Variants in TJP1 observed in about 807,000 individuals in gnomAD.
TJP1 encodes tight junction protein ZO-1.
TJP1 carries 43 observed loss-of-function variants against 194.2 expected under a neutral mutation model. The ratio of observed to expected loss-of-function variants is 0.22; its 90% CI spans 0.17 to 0.29. The LOEUF (loss-of-function observed/expected upper bound fraction) is 0.29, where lower values mean the gene tolerates loss of function less well. TJP1 is among the 10% of genes least tolerant of loss of function. The pLI is 1.00. For missense variants in TJP1, 1,971 were observed against 2,185.7 expected (o/e 0.90, Z 1.96); for synonymous variants, 801 against 779.0 (o/e 1.03, Z -0.47).
At chr15:29,754,969 G>A (rs773145345) in intron 8 of TJP1, among the ~76,000 whole-genome samples, 1 of 152,134 alleles carries the variant, frequency 6.6e-6, no homozygotes, top group Non-Finnish European at 1.5e-5. Context: ...GAAGGTAGAG[G>A]AAAAGGTGTG....
chr15:29,810,416 T>C (rs1452031369), intron 1 of TJP1, among the ~76,000 whole-genome samples: 1 of 152,186 alleles, frequency 6.6e-6, no homozygotes, highest in Non-Finnish European at 1.5e-5. Context: ...GCAGCTACCA[T>C]GATGCCAGGA....
At chr15:29,730,334 C>T (rs1313633979) in intron 15 of TJP1, among the ~76,000 whole-genome samples, 1 of 152,082 alleles carries the variant, frequency 6.6e-6, no homozygotes, top group African/African-American at 2.4e-5. Context: ...GTAATCCCAG[C>T]ACTTTGGGAG....
intron 15 of TJP1, 101 bp downstream of exon 15, chr15:29,732,332 C>G: frequency 9.5e-7 from 1 of 1,056,846 alleles, no homozygotes; most frequent in Non-Finnish European, 1.4e-6. Context: ...TAATTTTTCA[C>G]TGACAAAAAG....
At chr15:29,709,472 AT>A (rs1208840719) in intron 24 of TJP1, among the ~76,000 whole-genome samples, 5 of 152,192 alleles carry the variant, frequency 3.3e-5, no homozygotes, top group Admixed American at 3.3e-4. Context: ...GAACCACAGG[AT>A]TTTTTATGCA....
intron 2 of TJP1, among the ~76,000 whole-genome samples, chr15:29,780,000 A>G (rs1350112810): frequency 6.6e-6 from 1 of 151,988 alleles, no homozygotes; most frequent in African/African-American, 2.4e-5. Context: ...AAGGAAAAAA[A>G]AAAAAACCAC....
chr15:29,753,483 CAAAAAAAA>C (rs34221786), intron 8 of TJP1, among the ~76,000 whole-genome samples: 5 of 47,934 alleles, frequency 1.0e-4, no homozygotes, highest in Admixed American at 5.4e-4. Context: ...GACTCTGTGT[CAAAAAAAA>C]AAAAAAAAAA....
intron 1 of TJP1, among the ~76,000 whole-genome samples, chr15:29,956,518 CA>C (rs1374525796): frequency 6.6e-6 from 1 of 152,240 alleles, no homozygotes; most frequent in African/African-American, 2.4e-5. Flanking sequence ...TACATTCTAT[CA>C]GATACCCTTT....
At chr15:29,910,209 C>G (rs1180492244) in intron 2 of TJP1, among the ~76,000 whole-genome samples, 1 of 152,144 alleles carries the variant, frequency 6.6e-6, no homozygotes, top group East Asian at 1.9e-4. Flanking sequence ...AACGTTTATA[C>G]TAAGAAATGT....
intron 2 of TJP1, among the ~76,000 whole-genome samples, chr15:29,774,185 A>G (rs544792235): frequency 6.6e-6 from 1 of 152,198 alleles, no homozygotes; most frequent in Non-Finnish European, 1.5e-5. Context: ...TACAATTCAA[A>G]CTGCCTGAGG....
intron 2 of TJP1, among the ~76,000 whole-genome samples, chr15:29,870,421 C>G (rs976728904): frequency 1.3e-5 from 2 of 152,276 alleles, no homozygotes; most frequent in African/African-American, 4.8e-5. Context: ...TTATAATACA[C>G]AGAGGAACCG....
In TJP1 at chr15:29,761,300, G is replaced by T. The variant is rs768210003; in HGVS notation, c.863-14C>A. 88 of 1,613,296 alleles carry T rather than the reference G, an allele frequency of 5.5e-5. No homozygotes were observed. The highest frequency in any genetic ancestry group is 2.8e-5 in the Non-Finnish European group (33 of 1,179,818). On this transcript the variant is annotated splice_polypyrimidine_tract_variant and intron_variant, in intron 7 of 27. Coordinates refer to ENST00000614355, the MANE Select transcript of TJP1 (RefSeq NM_001330239.4). ...TTTCTGAAATGTCTGTTAATAAAAG[G>T]GTGCTACTTATTTTCCCACAAAAAT...
At chr15:29,849,993 AG>A (rs1405316646) in intron 2 of TJP1, among the ~76,000 whole-genome samples, 1 of 152,084 alleles carries the variant, frequency 6.6e-6, no homozygotes, top group Non-Finnish European at 1.5e-5. Flanking sequence ...CTCTGGGGAA[AG>A]CCAGATGCTC....
chr15:29,968,554 G>C (rs575734627), intron 1 of TJP1: 1 of 807,098 alleles, frequency 1.2e-6, no homozygotes, highest in Admixed American at 6.4e-5. Context: ...CCCGACAGTC[G>C]CGGCCTCGCC....
At chr15:29,892,256 T>C (rs2053336590) in intron 2 of TJP1, among the ~76,000 whole-genome samples, 1 of 152,176 alleles carries the variant, frequency 6.6e-6, no homozygotes, top group Non-Finnish European at 1.5e-5. Flanking sequence ...CTAAGAGATT[T>C]GAGGAAGCTG....
At chr15:29,798,123 C>T (rs1037457245) in intron 2 of TJP1, among the ~76,000 whole-genome samples, 6 of 152,106 alleles carry the variant, frequency 3.9e-5, no homozygotes, top group African/African-American at 1.4e-4. Flanking sequence ...CAGGCGCCTG[C>T]CACCACGTCC....
At chr15:29,710,355 TG>T (rs2042165398) in intron 24 of TJP1, among the ~76,000 whole-genome samples, 1 of 152,174 alleles carries the variant, frequency 6.6e-6, no homozygotes, top group Admixed American at 6.5e-5. Flanking sequence ...GGAAAATGCC[TG>T]TCCACAGCAG....
At chr15:29,740,278 A>G (rs1048733083) in intron 10 of TJP1, among the ~76,000 whole-genome samples, 1 of 151,960 alleles carries the variant, frequency 6.6e-6, no homozygotes, top group Admixed American at 6.6e-5. Context: ...CCCGGCCCGG[A>G]ATTCTGTCAA....
chr15:29,882,824 T>C (rs954366433), intron 2 of TJP1, among the ~76,000 whole-genome samples: 4 of 152,180 alleles, frequency 2.6e-5, no homozygotes, highest in Non-Finnish European at 5.9e-5. Flanking sequence ...GAAAAAGATT[T>C]GGCCCAAGAT....
At chr15:29,925,555 G>A (rs375330921) in intron 2 of TJP1, among the ~76,000 whole-genome samples, 3 of 152,200 alleles carry the variant, frequency 2.0e-5, no homozygotes, top group Admixed American at 6.5e-5. Flanking sequence ...CCTCTAAGCC[G>A]TGGCATTCAC....
Sources: allele counts gnomAD v4.1 joint callset (sites outside exome capture counted in the v4.1 genomes callset), GRCh38; gene constraint gnomAD v4.1.1; transcripts MANE v1.5; gene names NCBI Gene and HGNC (gene_info 2026-07-23, HGNC 2026-07-21).